COL8A1: variants seen among roughly 807,000 people sequenced by gnomAD.
COL8A1 encodes collagen type VIII alpha 1 chain.
A neutral mutation model predicts 42.7 loss-of-function variants in COL8A1; 21 were observed. That is an observed-to-expected ratio of 0.49 (90% CI 0.35 to 0.71). The LOEUF is 0.71. Ranked by LOEUF, COL8A1 falls within the 30% of genes least tolerant of loss-of-function variation. COL8A1 has a pLI of 0.01. For synonymous variants in COL8A1, 367 were observed against 369.1 expected (o/e 0.99, Z 0.06); for missense variants, 788 against 962.4 (o/e 0.82, Z 2.40).
At chr3:99,709,227 C>G (rs1939765897) in intron 1 of COL8A1, among the ~76,000 whole-genome samples, 1 of 152,128 alleles carries the variant, frequency 6.6e-6, no homozygotes, top group South Asian at 2.1e-4. Flanking sequence ...GCCTGTGGAC[C>G]ACCCATATCA....
At chr3:99,732,123 T>C (rs904931610) in intron 1 of COL8A1, among the ~76,000 whole-genome samples, 9 of 152,166 alleles carry the variant, frequency 5.9e-5, no homozygotes, top group Admixed American at 5.9e-4. Context: ...TATATTTTTG[T>C]TGTTTTAAGG....
chr3:99,715,799 C>T (rs999259481), intron 1 of COL8A1, among the ~76,000 whole-genome samples: 1 of 151,870 alleles, frequency 6.6e-6, no homozygotes, highest in South Asian at 2.1e-4. Context: ...TTTATTGCAT[C>T]ACTCGCAAGT....
At chr3:99,777,517 T>C (rs1472709289) in intron 2 of COL8A1, among the ~76,000 whole-genome samples, 5 of 152,158 alleles carry the variant, frequency 3.3e-5, no homozygotes, top group Admixed American at 1.3e-4. Flanking sequence ...GGCATTCTGC[T>C]CCTCTGGAAT....
At chr3:99,683,253 T>C (rs542807435) in intron 1 of COL8A1, among the ~76,000 whole-genome samples, 1 of 152,300 alleles carries the variant, frequency 6.6e-6, no homozygotes, top group East Asian at 1.9e-4. Flanking sequence ...TGTCCTTTGC[T>C]CCTTTCCATA....
intron 3 of COL8A1, among the ~76,000 whole-genome samples, chr3:99,793,740 C>G (rs1342535799): frequency 6.6e-6 from 1 of 151,536 alleles, no homozygotes; most frequent in East Asian, 1.9e-4. Context: ...CTTGATTTTT[C>G]TTTCTTATTT....
At chr3:99,762,399 T>A in intron 2 of COL8A1, among the ~76,000 whole-genome samples, 1 of 152,212 alleles carries the variant, frequency 6.6e-6, no homozygotes, top group Non-Finnish European at 1.5e-5. Context: ...AACAAACTGC[T>A]AAAAAAAATT....
In COL8A1 at chr3:99,791,040, A is replaced by T. The variant is rs369057593; in HGVS notation, c.328+30A>T. Reference sequence around the variant, plus strand: ...CATCATACTCCCAGGCTGTTATAAAACAACAGCTTTCCAAATCTCTAAATT... The same window carrying T: ...CATCATACTCCCAGGCTGTTATAAATCAACAGCTTTCCAAATCTCTAAATT... On this transcript the variant is annotated intron_variant, in intron 3 of 3. Transcript: ENST00000652472. 1.5e-5 allele frequency: 23 copies of T among 1,554,250 alleles called. No homozygotes were observed. The African/African-American group carries it at 3.0e-4, about 20-fold the overall frequency.
chr3:99,738,408 G>C (rs1940797051), intron 1 of COL8A1, among the ~76,000 whole-genome samples: 2 of 152,160 alleles, frequency 1.3e-5, no homozygotes, highest in Non-Finnish European at 1.5e-5. Context: ...TTTTTGGTGT[G>C]GATGTCCTTT....
intron 1 of COL8A1, among the ~76,000 whole-genome samples, chr3:99,730,387 CT>C (rs1169137406): frequency 1.3e-5 from 2 of 152,040 alleles, no homozygotes; most frequent in African/African-American, 4.8e-5. Context: ...TGAGAGAATA[CT>C]ATATATTTTT....
At chr3:99,648,565 C>T (rs974606111) in intron 1 of COL8A1, among the ~76,000 whole-genome samples, 7 of 151,722 alleles carry the variant, frequency 4.6e-5, no homozygotes, top group African/African-American at 1.7e-4. Context: ...CAAAACAAAA[C>T]AAAAAACATC....
At chr3:99,741,226 A>G (rs369174022) in intron 1 of COL8A1, among the ~76,000 whole-genome samples, 2 of 152,090 alleles carry the variant, frequency 1.3e-5, no homozygotes, top group East Asian at 1.9e-4. Context: ...GCTTTTTAAT[A>G]TCTTCTTTTG....
intron 1 of COL8A1, among the ~76,000 whole-genome samples, chr3:99,657,258 C>T (rs1337813547): frequency 6.6e-6 from 1 of 152,168 alleles, no homozygotes; most frequent in Non-Finnish European, 1.5e-5. Flanking sequence ...TTTTCTTAGA[C>T]GTTGTCACAA....
chr3:99,792,011 G>A (rs924334320), intron 3 of COL8A1, among the ~76,000 whole-genome samples: 1 of 152,208 alleles, frequency 6.6e-6, no homozygotes. Context: ...AGAACAGAGT[G>A]TGTTCCAGGC....
At chr3:99,782,599 C>G (rs974984783) in intron 2 of COL8A1, among the ~76,000 whole-genome samples, 2 of 151,926 alleles carry the variant, frequency 1.3e-5, no homozygotes, top group Admixed American at 6.6e-5. Context: ...GCCATGTTGG[C>G]CTGGCTGGTC....
In COL8A1 at chr3:99,658,425, C is replaced by T. The variant is rs75070774; in HGVS notation, c.-129+19761C>T. ...CCAGAAGTCTCCTTTGACCTTCTGG[C>T]CTAGATAAAGTGGCCCTGCCCTGTG... On this transcript the variant is annotated intron_variant, in intron 1 of 3. Transcript: ENST00000652472. 5.6e-3 allele frequency among the ~76,000 whole-genome samples: 856 copies of T among 152,324 alleles called. 5 individuals are homozygous for T. The highest frequency in any genetic ancestry group is 0.016 in the African/African-American group (659 of 41,574).
chr3:99,742,000 A>G (rs1010763950), intron 1 of COL8A1, among the ~76,000 whole-genome samples: 11 of 152,202 alleles, frequency 7.2e-5, no homozygotes, highest in Admixed American at 3.3e-4. Flanking sequence ...ACTGGTTTTT[A>G]AGTATTTATA....
intron 2 of COL8A1, among the ~76,000 whole-genome samples, chr3:99,750,657 T>C (rs1472490939): frequency 1.3e-5 from 2 of 152,230 alleles, no homozygotes; most frequent in Non-Finnish European, 2.9e-5. Context: ...CCAGGTGTTA[T>C]TGCCCTTTCT....
intron 2 of COL8A1, among the ~76,000 whole-genome samples, chr3:99,786,449 T>C (rs1941898150): frequency 6.6e-6 from 1 of 152,102 alleles, no homozygotes; most frequent in African/African-American, 2.4e-5. Flanking sequence ...AATGGTGTCA[T>C]CTATGAACCA....
chr3:99,645,379 G>T (rs1357767998), intron 1 of COL8A1, among the ~76,000 whole-genome samples: 1 of 152,044 alleles, frequency 6.6e-6, no homozygotes. Flanking sequence ...AGCCAAGATT[G>T]TTGAGGTTGG....
Sources: allele counts gnomAD v4.1 joint callset (sites outside exome capture counted in the v4.1 genomes callset), GRCh38; gene constraint gnomAD v4.1.1; transcripts MANE v1.5; gene names NCBI Gene and HGNC (gene_info 2026-07-23, HGNC 2026-07-21).